The following MAGI2 variants were observed in gnomAD, a reference collection of about 807,000 sequenced individuals.
The protein encoded by MAGI2 is membrane-associated guanylate kinase, WW and PDZ domain-containing protein 2.
A neutral mutation model predicts 133.3 loss-of-function variants in MAGI2; 35 were observed. That is an observed-to-expected ratio of 0.26 (90% confidence interval 0.20 to 0.35). The LOEUF (loss-of-function observed/expected upper bound fraction) is 0.35, where lower values mean the gene tolerates loss of function less well. MAGI2 is among the 10% of genes least tolerant of loss of function. The probability of loss-of-function intolerance (pLI) is 1.00; values close to 1 mark genes in which losing one functional copy is unlikely to be tolerated. For synonymous variants in MAGI2, 729 were observed against 710.6 expected (o/e 1.03, Z -0.41); for missense variants, 1,636 against 1,863.4 (o/e 0.88, Z 2.25).
intron 10 of MAGI2, among the ~76,000 whole-genome samples, chr7:78,246,062 A>C (rs1791749282): frequency 6.6e-6 from 1 of 152,220 alleles, no homozygotes; most frequent in African/African-American, 2.4e-5. Context: ...GAGCTGCTCT[A>C]TCTACCCCTC....
chr7:78,292,072 G>C (rs1796770744), intron 9 of MAGI2, among the ~76,000 whole-genome samples: 1 of 152,186 alleles, frequency 6.6e-6, no homozygotes, highest in African/African-American at 2.4e-5. Flanking sequence ...AGTATTGGAA[G>C]TTCTGGCCAG....
At chr7:78,742,657 A>G in intron 2 of MAGI2, among the ~76,000 whole-genome samples, 1 of 152,232 alleles carries the variant, frequency 6.6e-6, no homozygotes, top group East Asian at 1.9e-4. Context: ...GATGCCCACA[A>G]GAAAATCCCC....
At chr7:78,794,968 G>A (rs566058104) in intron 2 of MAGI2, among the ~76,000 whole-genome samples, 1 of 152,190 alleles carries the variant, frequency 6.6e-6, no homozygotes, top group South Asian at 2.1e-4. Context: ...GGGCTCAAGC[G>A]ATTCTTCTAT....
intron 1 of MAGI2, among the ~76,000 whole-genome samples, chr7:79,086,238 G>T (rs902966579): frequency 4.6e-5 from 7 of 151,946 alleles, no homozygotes; most frequent in Admixed American, 3.9e-4. Flanking sequence ...AATTTTAAAA[G>T]TCCTGACAAT....
At chr7:78,705,084 G>T (rs1287354785) in intron 2 of MAGI2, among the ~76,000 whole-genome samples, 2 of 151,860 alleles carry the variant, frequency 1.3e-5, no homozygotes, top group Non-Finnish European at 2.9e-5. Context: ...TCCTTTTTGG[G>T]GGAAGAACTG....
intron 20 of MAGI2, among the ~76,000 whole-genome samples, chr7:78,121,000 C>CAAAAAAAAAA (rs67572219): frequency 5.3e-5 from 4 of 75,176 alleles, no homozygotes; most frequent in Non-Finnish European, 7.2e-5. Flanking sequence ...GACTCCGTCT[C>CAAAAAAAAAA]AAAAAAAAAA....
In MAGI2 at chr7:79,140,040, T is replaced by C. The variant is rs1186664936; in HGVS notation, c.302-132834A>G. Among the ~76,000 whole-genome samples the C allele has an allele frequency of 5.9e-5, 9 of 152,312 alleles. No homozygotes were observed. In the South Asian group the frequency reaches 1.9e-3, roughly 32 times the overall value. ...CTTTATAAAGGTAAACACAGCTGAT[T>C]GGCTTTAACTTTCCTGGAATACATC... On this transcript the variant is annotated intron_variant, in intron 1 of 21. Transcript: ENST00000354212.
At chr7:78,852,990 T>G (rs1793273155) in intron 2 of MAGI2, among the ~76,000 whole-genome samples, 1 of 152,178 alleles carries the variant, frequency 6.6e-6, no homozygotes, top group South Asian at 2.1e-4. Context: ...TTCAGTTTTC[T>G]GAATCTCCAG....
At chr7:78,908,052 T>C (rs1028953683) in intron 2 of MAGI2, among the ~76,000 whole-genome samples, 9 of 152,150 alleles carry the variant, frequency 5.9e-5, no homozygotes, top group Non-Finnish European at 1.2e-4. Flanking sequence ...AGCAACAGCA[T>C]ATGCAAAGAC....
intron 1 of MAGI2, among the ~76,000 whole-genome samples, chr7:79,010,080 C>G (rs1243704791): frequency 2.6e-5 from 4 of 151,734 alleles, no homozygotes; most frequent in Non-Finnish European, 1.5e-5. Context: ...TATATATACA[C>G]ATATATTTTT....
chr7:79,039,165 A>G (rs1446412147), intron 1 of MAGI2, among the ~76,000 whole-genome samples: 9 of 152,060 alleles, frequency 5.9e-5, no homozygotes, highest in South Asian at 2.1e-4. Context: ...GTGAGTTTTT[A>G]TGAGATCTGA....
At chr7:78,080,924 C>G (rs562910375) in intron 20 of MAGI2, among the ~76,000 whole-genome samples, 1 of 152,152 alleles carries the variant, frequency 6.6e-6, no homozygotes, top group African/African-American at 2.4e-5. Context: ...CAATTCAGGC[C>G]TTTACATGGT....
intron 1 of MAGI2, among the ~76,000 whole-genome samples, chr7:79,106,454 A>G (rs1818461375): frequency 1.3e-5 from 2 of 152,232 alleles, no homozygotes; most frequent in African/African-American, 4.8e-5. Flanking sequence ...AATTTTATAT[A>G]AATTTTAAAA....
intron 2 of MAGI2, among the ~76,000 whole-genome samples, chr7:78,974,265 C>G (rs1253073436): frequency 6.6e-6 from 1 of 151,424 alleles, no homozygotes; most frequent in Non-Finnish European, 1.5e-5. Context: ...AATATCAAGC[C>G]TCTTTCGGGA....
intron 2 of MAGI2, among the ~76,000 whole-genome samples, chr7:78,806,082 T>A (rs1788554584): frequency 6.6e-6 from 1 of 152,208 alleles, no homozygotes. Context: ...CACAAGTAAC[T>A]GACAGCTGAC....
intron 21 of MAGI2, among the ~76,000 whole-genome samples, chr7:78,067,864 G>A (rs1443912295): frequency 1.3e-5 from 2 of 152,194 alleles, no homozygotes; most frequent in Non-Finnish European, 2.9e-5. Context: ...CAAAAATCTG[G>A]ACTTATGGTA....
chr7:79,346,689 C>A (rs1200257560), intron 1 of MAGI2, among the ~76,000 whole-genome samples: 1 of 151,926 alleles, frequency 6.6e-6, no homozygotes, highest in Non-Finnish European at 1.5e-5. Flanking sequence ...CTCTATACTC[C>A]TGGGTTATTG....
At chr7:78,710,635 T>G (rs1370957051) in intron 2 of MAGI2, among the ~76,000 whole-genome samples, 1 of 152,096 alleles carries the variant, frequency 6.6e-6, no homozygotes, top group African/African-American at 2.4e-5. Flanking sequence ...AAGGCATGAG[T>G]TGAGAGCTTA....
chr7:78,637,010 T>C (rs191520000), intron 2 of MAGI2, among the ~76,000 whole-genome samples: 2 of 152,290 alleles, frequency 1.3e-5, no homozygotes, highest in Admixed American at 1.3e-4. Flanking sequence ...GAAACCATAA[T>C]TGGAGAACCA....
Sources: gnomAD v4.1 joint callset for allele counts (sites outside exome capture counted in the v4.1 genomes callset) on GRCh38, gnomAD v4.1.1 for gene constraint, MANE v1.5 for transcripts, NCBI Gene and HGNC (gene_info 2026-07-23, HGNC 2026-07-21) for gene names.